Variants in PVALEF observed in about 807,000 individuals in gnomAD.
The protein encoded by PVALEF is parvalbumin-like EF-hand-containing protein.
Under a neutral mutation model 1.2 loss-of-function variants are expected in PVALEF, and 2 were observed. The observed-to-expected ratio is 1.68, with a 90% CI of 0.69 to 5.28. PVALEF has a LOEUF of 5.28. Among genes scored for constraint, PVALEF ranks in the 30% most tolerant of loss-of-function variants. The probability of loss-of-function intolerance (pLI) is 0.06; values close to 1 mark genes in which losing one functional copy is unlikely to be tolerated. For missense variants in PVALEF, 35 were observed against 17.7 expected, an observed-to-expected ratio of 1.97 and a Z score of -1.75; for synonymous variants, 16 against 6.5, an observed-to-expected ratio of 2.47 and a Z score of -2.24.
At chr17:81,169,747 T>G (rs1432130167) in intron 2 of PVALEF, among the ~76,000 whole-genome samples, 1 of 149,982 alleles carries the variant, frequency 6.7e-6, no homozygotes, top group African/African-American at 2.5e-5. Flanking sequence ...TGTGTGTACG[T>G]GTCTATGTGT....
At chr17:81,177,095 T>A (rs1055358577) in intron 2 of PVALEF, among the ~76,000 whole-genome samples, 1 of 151,526 alleles carries the variant, frequency 6.6e-6, no homozygotes, top group Non-Finnish European at 1.5e-5. Flanking sequence ...GCTGGCTAAT[T>A]TCCGTATTTT....
At chr17:81,181,871 T>C (rs962066292) in intron 5 of PVALEF, 95 bp from the exon 6 acceptor site, 4 of 397,976 alleles carry the variant, frequency 1.0e-5, no homozygotes, top group African/African-American at 6.2e-5. Context: ...CGGCCCGAAG[T>C]GCCCTTGCCT....
At chr17:81,172,040 C>G (rs2061522426) in intron 2 of PVALEF, among the ~76,000 whole-genome samples, 1 of 152,224 alleles carries the variant, frequency 6.6e-6, no homozygotes, top group African/African-American at 2.4e-5. Context: ...AATGGAATCA[C>G]ATGGTATGTG....
chr17:81,174,486 C>T (rs1433408600), intron 2 of PVALEF, among the ~76,000 whole-genome samples: 3 of 151,592 alleles, frequency 2.0e-5, no homozygotes, highest in Non-Finnish European at 4.4e-5. Context: ...AAAAATTAGC[C>T]GGGTGTGATG....
At chr17:81,167,681 C>T (rs2061503204) in intron 2 of PVALEF, among the ~76,000 whole-genome samples, 2 of 152,220 alleles carry the variant, frequency 1.3e-5, no homozygotes, top group Admixed American at 1.3e-4. Context: ...TTAGGGGTCC[C>T]TGGCTGTAGG....
Position 81,181,951 on chromosome 17 carries a change from C to A in PVALEF, c.243-15C>A, listed in dbSNP as rs912569906. 9 of 398,400 alleles carry A rather than the reference C, an allele frequency of 2.3e-5. No homozygotes were observed. Among genetic ancestry groups the A allele is most frequent in the Non-Finnish European group, 4.0e-5 (9 of 225,990 alleles). The allele number at this position is 398,400 out of a possible 1,614,324, so 24.7% of individuals were successfully genotyped here. On this transcript the variant is annotated splice_polypyrimidine_tract_variant and intron_variant, in intron 5 of 6. Coordinates refer to ENST00000637878, the MANE Select transcript of PVALEF (RefSeq NM_001354639.2). ...GGAAGCCCCTTGGCCCTGACTCGAG[C>A]CCCCTTGGCCCCAGGTACATCCTGT...
intron 2 of PVALEF, among the ~76,000 whole-genome samples, chr17:81,173,341 C>T (rs2061526695): frequency 6.6e-6 from 1 of 152,184 alleles, no homozygotes; most frequent in Admixed American, 6.5e-5. Flanking sequence ...GCTGGCTTCT[C>T]AAACACCCTG....
intron 1 of PVALEF, 131 bp downstream of exon 1, chr17:81,165,878 GGCATCACGTCC>G (rs2061483331): frequency 1.9e-6 from 3 of 1,548,142 alleles, no homozygotes; most frequent in Non-Finnish European, 1.7e-6. Context: ...GGGGCCCAGG[GGCATCACGTCC>G]GCAGCGGAGG....
intron 4 of PVALEF, 37 bp downstream of exon 4, chr17:81,181,369 G>T (rs962653465): frequency 5.7e-5 from 36 of 627,294 alleles, no homozygotes. Flanking sequence ...CCCCCCGCCC[G>T]TCCAGCCCCG....
chr17:81,170,123 CAT>C (rs973652916), intron 2 of PVALEF, among the ~76,000 whole-genome samples: 4 of 142,738 alleles, frequency 2.8e-5, no homozygotes, highest in South Asian at 2.2e-4. Context: ...TATGTGTAGG[CAT>C]GTGTGTGTTG....
chr17:81,165,740 G>A lies in PVALEF; in HGVS notation c.-515G>A. 2.0e-6 allele frequency: 3 copies of A among 1,524,858 alleles called. No homozygotes were observed. Among genetic ancestry groups the A allele is most frequent in the South Asian group, 1.2e-5 (1 of 82,908 alleles). The allele number at this position is 1,524,858 out of a possible 1,614,324, so 94.5% of individuals were successfully genotyped here. A position where few individuals can be genotyped will look rare whatever the true frequency, so the allele number is the denominator to read the frequency against. On this transcript the variant is annotated 5_prime_UTR_variant, in exon 1 of 7. Coordinates refer to ENST00000637878, the MANE Select transcript of PVALEF (RefSeq NM_001354639.2). The stretch of plus-strand genomic sequence containing the variant: ...ACGCGGGGGACGCCAGCCCACAGGC[G>A]GAGGCCGGTTTGTGCTGGGGCCCAG...
In PVALEF at chr17:81,174,676, G is replaced by A. The variant is rs187407484; in HGVS notation, c.-339-4242G>A. Among the ~76,000 whole-genome samples the A allele has an allele frequency of 2.5e-3, 385 of 151,536 alleles. 1 individual carries two copies. Among genetic ancestry groups the A allele is most frequent in the Admixed American group, 4.9e-3 (74 of 15,192 alleles). On this transcript the variant is annotated intron_variant, in intron 2 of 6. Coordinates refer to ENST00000637878, the MANE Select transcript of PVALEF (RefSeq NM_001354639.2). ...GTCTAATTACCTCTGTTTGCCAGGC[G>A]CGGTGGCTCACGCCTGTAATCCCAG...
chr17:81,169,721 CAT>C lies in PVALEF; in HGVS notation c.-340+2879_-340+2880del, dbSNP rs549994604. ...GCCCCAACCTCTGCCTGCATCGTCA[CAT>C]AGTCGTGTGCGTGTGTGTGTACGTG... On this transcript the variant is annotated intron_variant, in intron 2 of 6. Transcript: ENST00000637878. Among the ~76,000 whole-genome samples the C allele has an allele frequency of 5.5e-3, 834 of 151,672 alleles. 10 individuals carry two copies. The highest frequency in any genetic ancestry group is 0.019 in the African/African-American group (777 of 41,340).
chr17:81,180,352 A>G (rs191368731), intron 3 of PVALEF, among the ~76,000 whole-genome samples: 1 of 152,296 alleles, frequency 6.6e-6, no homozygotes, highest in African/African-American at 2.4e-5. Context: ...ACAGGTCCCC[A>G]AGATGCCAGG....
chr17:81,181,200 T>C lies in PVALEF; in HGVS notation c.-27T>C, dbSNP rs1349383345. On this transcript the variant is annotated 5_prime_UTR_variant, in exon 4 of 7. Coordinates refer to ENST00000637878, the MANE Select transcript of PVALEF (RefSeq NM_001354639.2). The stretch of plus-strand genomic sequence containing the variant: ...CCAATCCGTGCGTGCACCCCACGAA[T>C]TGACTCCCTATCCACCCAGGACCAG... 1.4e-6 allele frequency: 1 copy of C among 703,058 alleles called. No homozygotes were observed. Among genetic ancestry groups the C allele is most frequent in the South Asian group, 1.5e-5 (1 of 67,440 alleles). The allele number at this position is 703,058 out of a possible 1,614,324, so 43.6% of individuals were successfully genotyped here. A position where few individuals can be genotyped will look rare whatever the true frequency, so the allele number is the denominator to read the frequency against.
intron 3 of PVALEF, among the ~76,000 whole-genome samples, chr17:81,179,579 T>C (rs1458432168): frequency 6.6e-6 from 1 of 152,084 alleles, no homozygotes; most frequent in African/African-American, 2.4e-5. Flanking sequence ...CCAAGGCCTC[T>C]GGCCCCCGGA....
intron 2 of PVALEF, among the ~76,000 whole-genome samples, chr17:81,167,446 T>C (rs1467476472): frequency 6.6e-6 from 1 of 152,242 alleles, no homozygotes; most frequent in African/African-American, 2.4e-5. Context: ...GGTTGGGGGC[T>C]GTGGAGCAGG....
Position 81,165,673 on chromosome 17 carries a change from C to A in PVALEF, c.-582C>A, listed in dbSNP as rs2659034. ...AGGGGCCCACGCAGGCCCTCCGTGC[C>A]CCAGTTACCTGTGCCCTGGAGGCAG... On this transcript the variant is annotated 5_prime_UTR_variant, in exon 1 of 7. Transcript: ENST00000637878. The A allele has an allele frequency of 2.0e-6, 3 of 1,508,230 alleles. No homozygotes were observed. The highest frequency in any genetic ancestry group is 2.7e-6 in the Non-Finnish European group (3 of 1,129,318). The allele number at this position is 1,508,230 out of a possible 1,614,324, so 93.4% of individuals were successfully genotyped here.
At chr17:81,165,900 G>C in intron 1 of PVALEF, 153 bp downstream of exon 1, 6 of 1,561,394 alleles carry the variant, frequency 3.8e-6, no homozygotes, top group Non-Finnish European at 5.2e-6. Flanking sequence ...GCAGCGGAGG[G>C]AGGCAGCGGC....
Sources: allele counts gnomAD v4.1 joint callset (sites outside exome capture counted in the v4.1 genomes callset), GRCh38; gene constraint gnomAD v4.1.1; transcripts MANE v1.5; gene names NCBI Gene and HGNC (gene_info 2026-07-23, HGNC 2026-07-21).